Variants in CSMD1 observed in about 807,000 individuals in gnomAD.
CSMD1 encodes the protein CUB and sushi domain-containing protein 1.
Under a neutral mutation model 417.5 loss-of-function variants are expected in CSMD1, and 213 were observed. That is an observed-to-expected ratio of 0.51 (90% confidence interval 0.46 to 0.57). The LOEUF (loss-of-function observed/expected upper bound fraction) is 0.57. CSMD1 is among the 20% of genes least tolerant of loss of function. The pLI is 0.00. For synonymous variants in CSMD1, 2,862 were observed against 1,736.8 expected, an observed-to-expected ratio of 1.65 and a Z score of -16.11; for missense variants, 6,923 against 4,529.7, an observed-to-expected ratio of 1.53 and a Z score of -15.17.
intron 3 of CSMD1, among the ~76,000 whole-genome samples, chr8:4,307,788 T>G (rs1798329484): frequency 1.3e-5 from 2 of 152,230 alleles, no homozygotes; most frequent in South Asian, 4.2e-4. Flanking sequence ...CAGAGTCAGT[T>G]TACCTCTCTA....
chr8:4,822,212 G>A (rs190597214), intron 1 of CSMD1, among the ~76,000 whole-genome samples: 6 of 152,182 alleles, frequency 3.9e-5, no homozygotes, highest in South Asian at 4.2e-4. Flanking sequence ...TGTGTGATTC[G>A]TGGGGGTTTG....
At chr8:4,725,658 A>T (rs1220902526) in intron 1 of CSMD1, among the ~76,000 whole-genome samples, 1 of 152,198 alleles carries the variant, frequency 6.6e-6, no homozygotes, top group Non-Finnish European at 1.5e-5. Context: ...CAGAATCTGC[A>T]TTCTCAGACA....
At chr8:4,306,732 A>C (rs886660831) in intron 3 of CSMD1, among the ~76,000 whole-genome samples, 1 of 152,176 alleles carries the variant, frequency 6.6e-6, no homozygotes, top group African/African-American at 2.4e-5. Flanking sequence ...CCTCTAAATG[A>C]GTGCCCGACC....
At chr8:3,171,190 T>A (rs534061058) in intron 37 of CSMD1, among the ~76,000 whole-genome samples, 134 of 152,328 alleles carry the variant, frequency 8.8e-4, no homozygotes, top group African/African-American at 3.1e-3. Context: ...GAATGCCAAT[T>A]ATAGATCCTT....
At chr8:4,467,875 C>T (rs940312203) in intron 2 of CSMD1, among the ~76,000 whole-genome samples, 29 of 152,256 alleles carry the variant, frequency 1.9e-4, no homozygotes, top group Non-Finnish European at 4.1e-4. Context: ...TCCAAAAAAA[C>T]AGAATCATCT....
intron 2 of CSMD1, among the ~76,000 whole-genome samples, chr8:4,622,392 A>T (rs980808196): frequency 3.3e-5 from 5 of 151,974 alleles, no homozygotes; most frequent in African/African-American, 1.2e-4. Context: ...TGTCTGTGGG[A>T]CCTTCTGGCG....
intron 2 of CSMD1, among the ~76,000 whole-genome samples, chr8:4,610,249 G>C (rs1375194051): frequency 6.6e-6 from 1 of 152,160 alleles, no homozygotes; most frequent in African/African-American, 2.4e-5. Context: ...CCTTCATAGA[G>C]ATCAAGTGGG....
Position 3,049,229 on chromosome 8 carries a change from C to T in CSMD1, c.7660+3233G>A, listed in dbSNP as rs185491193. 8.6e-3 allele frequency among the ~76,000 whole-genome samples: 1,303 copies of T among 152,212 alleles called. 12 individuals carry two copies. Among genetic ancestry groups the T allele is most frequent in the South Asian group, 0.016 (79 of 4,832 alleles). ...CATTCACTCTATCAATCTCAACCTT[C>T]GGTATTTACTCAAATATGTTAAAAA... On this transcript the variant is annotated intron_variant, in intron 50 of 69. Transcript: ENST00000635120.
chr8:4,917,899 C>T (rs1171030531), intron 1 of CSMD1, among the ~76,000 whole-genome samples: 1 of 152,102 alleles, frequency 6.6e-6, no homozygotes, highest in Non-Finnish European at 1.5e-5. Context: ...CGATTCAAAA[C>T]AGGTCACTGC....
intron 5 of CSMD1, among the ~76,000 whole-genome samples, chr8:3,987,502 A>C (rs2130251080): frequency 1.3e-5 from 2 of 152,234 alleles, no homozygotes; most frequent in Middle Eastern, 6.8e-3. Flanking sequence ...CTCCTTTTTA[A>C]AGTCAGGAAA....
chr8:4,457,814 C>G (rs1479347949), intron 2 of CSMD1, among the ~76,000 whole-genome samples: 5 of 152,124 alleles, frequency 3.3e-5, no homozygotes, highest in Non-Finnish European at 5.9e-5. Context: ...CTCACCACCT[C>G]AGCACCCTTG....
chr8:4,951,665 T>C (rs1199316631), intron 1 of CSMD1, among the ~76,000 whole-genome samples: 2 of 152,038 alleles, frequency 1.3e-5, no homozygotes, highest in Middle Eastern at 6.8e-3. Context: ...CTGGATTTCC[T>C]ACTTTTAGTA....
chr8:4,568,437 A>T (rs1435107029), intron 2 of CSMD1, among the ~76,000 whole-genome samples: 1 of 152,110 alleles, frequency 6.6e-6, no homozygotes, highest in Non-Finnish European at 1.5e-5. Context: ...TGTCCTTGCA[A>T]ATGACATGAA....
intron 52 of CSMD1, among the ~76,000 whole-genome samples, chr8:3,014,056 A>G (rs1808634865): frequency 6.6e-6 from 1 of 152,022 alleles, no homozygotes; most frequent in Non-Finnish European, 1.5e-5. Context: ...TTTTATTTCT[A>G]CTCTGAGAAA....
intron 1 of CSMD1, among the ~76,000 whole-genome samples, chr8:4,729,890 A>T (rs1809731195): frequency 6.6e-6 from 1 of 152,216 alleles, no homozygotes; most frequent in Admixed American, 6.5e-5. Flanking sequence ...TAGGAACCTC[A>T]TCTGAAACTT....
intron 5 of CSMD1, among the ~76,000 whole-genome samples, chr8:3,972,916 T>C (rs1370749949): frequency 6.6e-6 from 1 of 152,064 alleles, no homozygotes; most frequent in Non-Finnish European, 1.5e-5. Context: ...ACAACCTAAA[T>C]GGGCAAAGTA....
At chr8:3,935,240 TAGA>T (rs1310860743) in intron 5 of CSMD1, among the ~76,000 whole-genome samples, 1 of 152,168 alleles carries the variant, frequency 6.6e-6, no homozygotes. Flanking sequence ...TCTTAAAATG[TAGA>T]AGAACAGAAT....
At chr8:4,043,208 A>C (rs1166563544) in intron 3 of CSMD1, among the ~76,000 whole-genome samples, 1 of 152,200 alleles carries the variant, frequency 6.6e-6, no homozygotes. Flanking sequence ...ATAAAGTCTA[A>C]AGTCACCACT....
At chr8:4,549,944 T>C (rs1797797535) in intron 2 of CSMD1, among the ~76,000 whole-genome samples, 1 of 146,654 alleles carries the variant, frequency 6.8e-6, no homozygotes, top group Non-Finnish European at 1.5e-5. Context: ...ATTACTTAGG[T>C]GAATGGCCAT....
Sources: gnomAD v4.1 joint callset for allele counts (sites outside exome capture counted in the v4.1 genomes callset) on GRCh38, gnomAD v4.1.1 for gene constraint, MANE v1.5 for transcripts, NCBI Gene and HGNC (gene_info 2026-07-23, HGNC 2026-07-21) for gene names.